CORO2A: variants seen among roughly 807,000 people sequenced by gnomAD.
The protein encoded by CORO2A is coronin-2A.
Under a neutral mutation model 62.4 loss-of-function variants are expected in CORO2A, and 47 were observed. The ratio of observed to expected loss-of-function variants is 0.75; its 90% confidence interval spans 0.60 to 0.96. The LOEUF is 0.96. Among genes scored for constraint, CORO2A ranks in the 40% least tolerant of loss-of-function variants. The pLI is 0.00. For missense variants in CORO2A, 610 were observed against 684.1 expected (o/e 0.89, Z 1.21); for synonymous variants, 273 against 268.9 (o/e 1.02, Z -0.15).
rs1291395902 is a variant in CORO2A, at chr9:98,170,494, TGCAATGGCGTGATCTTG to T, written c.1-12851_1-12835del. ...TCTCGCTCTGTCACCCAGGCTGGAG[TGCAATGGCGTGATCTTG>T]GCTCACTGCAACCTCTGCCTCTGGG... On this transcript the variant is annotated intron_variant, in intron 1 of 11. Transcript: ENST00000375077. 5.9e-5 allele frequency among the ~76,000 whole-genome samples: 9 copies of T among 152,118 alleles called. 1 individual carries two copies. The highest frequency in any genetic ancestry group is 1.0e-4 in the Non-Finnish European group (7 of 68,024).
chr9:98,126,435 C>G (rs1202433509), intron 11 of CORO2A, 114 bp downstream of exon 11: 1 of 1,388,184 alleles, frequency 7.2e-7, no homozygotes, highest in Non-Finnish European at 9.8e-7. Flanking sequence ...TAGGCCAGGC[C>G]ACACAGCTGG....
At chr9:98,170,598 C>A (rs1205491757) in intron 1 of CORO2A, among the ~76,000 whole-genome samples, 1 of 152,226 alleles carries the variant, frequency 6.6e-6, no homozygotes, top group East Asian at 1.9e-4. Context: ...TGCACCACCA[C>A]GCCTGGCTAA....
intron 4 of CORO2A, among the ~76,000 whole-genome samples, chr9:98,134,047 C>T (rs747401593): frequency 3.1e-4 from 47 of 152,268 alleles, no homozygotes; most frequent in Non-Finnish European, 1.2e-4. Flanking sequence ...CCACCATGTC[C>T]GGCCCCCCAC....
rs1828319256 is a variant in CORO2A at position 98,192,625 on chromosome 9, C to A, written c.-67G>T. 6.7e-6 allele frequency: 1 copy of A among 150,210 alleles called. No homozygotes were observed. Among genetic ancestry groups the A allele is most frequent in the South Asian group, 2.1e-4 (1 of 4,830 alleles). The allele number at this position is 150,210 out of a possible 1,614,324, so 9.3% of individuals were successfully genotyped here. A position where few individuals can be genotyped will look rare whatever the true frequency, so the allele number is the denominator to read the frequency against. ...CCAGCTCCGGCTCCGCGCTCCTCGCCGCCCGCCGACTCCCGGCGCCCAGAG... is the reference window on the plus strand; with the variant it reads ...CCAGCTCCGGCTCCGCGCTCCTCGCAGCCCGCCGACTCCCGGCGCCCAGAG... On this transcript the variant is annotated 5_prime_UTR_variant, in exon 1 of 12. Coordinates refer to ENST00000375077, the MANE Select transcript of CORO2A (RefSeq NM_052820.4).
chr9:98,164,946 C>T (rs77832229), intron 1 of CORO2A, among the ~76,000 whole-genome samples: 1 of 124,854 alleles, frequency 8.0e-6, no homozygotes, highest in South Asian at 2.4e-4. Flanking sequence ...CCACCACTAC[C>T]ACCACCACCA....
chr9:98,188,531 G>A (rs909217461), intron 1 of CORO2A, among the ~76,000 whole-genome samples: 6 of 152,068 alleles, frequency 3.9e-5, no homozygotes, highest in East Asian at 3.9e-4. Flanking sequence ...TTGGGAGGCC[G>A]AGACAAGCGG....
intron 1 of CORO2A, among the ~76,000 whole-genome samples, chr9:98,186,360 AGCAGGGGAAG>A (rs1828239072): frequency 6.6e-6 from 1 of 152,202 alleles, no homozygotes; most frequent in South Asian, 2.1e-4. Context: ...GACTACAGGC[AGCAGGGGAAG>A]GTGATTAAGC....
chr9:98,161,841 C>G (rs1185094686), intron 1 of CORO2A, among the ~76,000 whole-genome samples: 1 of 152,000 alleles, frequency 6.6e-6, no homozygotes, highest in Non-Finnish European at 1.5e-5. Flanking sequence ...GCCCTGGCCC[C>G]TTCCGGACCC....
chr9:98,126,655 T>C lies in CORO2A; in HGVS notation c.1340A>G (p.Glu447Gly). 6.2e-7 allele frequency: 1 copy of C among 1,614,182 alleles called. No homozygotes were observed. Among genetic ancestry groups the C allele is most frequent in the South Asian group, 1.1e-5 (1 of 91,084 alleles). The change falls in exon 11 of 12, where the codon GAG (glutamate) becomes GGG (glycine). Residue 447 changes from glutamate (E) to glycine (G), a missense_variant. By Grantham distance (98) the Glu-to-Gly change is moderately conservative (BLOSUM62 -2). Transcript: ENST00000375077. Reference protein sequence around the residue: ...DGWRSSSLLEEKMPRWAAEHR... With the variant: ...DGWRSSSLLEGKMPRWAAEHR... ...TTCTGCTGCCCACCTTGGCATCTTC[T>C]CCTCCAACAGGGAGGAAGACCTCCA...
Position 98,157,568 on chromosome 9 carries a change from G to A in CORO2A, c.93C>T (p.Ile31=). 6.2e-7 allele frequency: 1 copy of A among 1,614,178 alleles called. No homozygotes were observed. The highest frequency in any genetic ancestry group is 1.1e-5 in the South Asian group (1 of 91,082). The change falls in exon 2 of 12, where the codon ATC becomes ATT. Residue 31 remains isoleucine, a synonymous_variant. Transcript: ENST00000375077. ...SKENCYDSVP[I]TRSVHDNHFC... is the part of the protein sequence containing the mutation. ...AGTGGTTGTCGTGAACGCTGCGGGT[G>A]ATAGGCACGGAGTCGTAGCAGTTCT...
intron 1 of CORO2A, among the ~76,000 whole-genome samples, chr9:98,161,657 C>T (rs1485882087): frequency 6.6e-6 from 1 of 152,044 alleles, no homozygotes; most frequent in Non-Finnish European, 1.5e-5. Flanking sequence ...AAGGATAGAG[C>T]AGGTAAGAGG....
chr9:98,181,020 C>T (rs888167125), intron 1 of CORO2A, among the ~76,000 whole-genome samples: 16 of 152,250 alleles, frequency 1.1e-4, no homozygotes, highest in Non-Finnish European at 7.3e-5. Context: ...TAAAATCCCT[C>T]ACGCCACTGA....
intron 1 of CORO2A, among the ~76,000 whole-genome samples, chr9:98,183,168 C>T (rs1272946924): frequency 1.4e-5 from 2 of 139,612 alleles, no homozygotes; most frequent in Non-Finnish European, 3.2e-5. Flanking sequence ...GCTCAGAAAG[C>T]GGCCCAAACT....
At chr9:98,130,136 G>A (rs1827383887) in intron 7 of CORO2A, among the ~76,000 whole-genome samples, 1 of 152,100 alleles carries the variant, frequency 6.6e-6, no homozygotes, top group South Asian at 2.1e-4. Flanking sequence ...GCCCAGGCTG[G>A]AGAGCAGTAG....
At chr9:98,154,352 T>TATATATATACAC (rs71369555) in intron 2 of CORO2A, among the ~76,000 whole-genome samples, 4 of 94,058 alleles carry the variant, frequency 4.3e-5, no homozygotes, top group Non-Finnish European at 8.8e-5. Flanking sequence ...TATATATATA[T>TATATATATACAC]ACACAAATAC....
chr9:98,124,711 G>C lies in CORO2A; in HGVS notation c.*63C>G. The C allele has an allele frequency of 6.7e-7, 1 of 1,487,000 alleles. No homozygotes were observed. The allele number at this position is 1,487,000 out of a possible 1,614,324, so 92.1% of individuals were successfully genotyped here. Reference sequence around the variant, plus strand: ...TGTCCTTGAGGGGACTTGTGGTTTGGTTCTAAACCTCCCCATGGAGCCGAG... The same window carrying C: ...TGTCCTTGAGGGGACTTGTGGTTTGCTTCTAAACCTCCCCATGGAGCCGAG... On this transcript the variant is annotated 3_prime_UTR_variant, in exon 12 of 12. Coordinates refer to ENST00000375077, the MANE Select transcript of CORO2A (RefSeq NM_052820.4).
intron 2 of CORO2A, among the ~76,000 whole-genome samples, chr9:98,144,179 A>G (rs906630391): frequency 4.0e-5 from 6 of 148,528 alleles, no homozygotes; most frequent in African/African-American, 1.5e-4. Flanking sequence ...ACAGAGTGAG[A>G]TCCTGTTTCG....
In CORO2A at chr9:98,129,875, G is replaced by C; in HGVS notation, c.886C>G (p.Arg296Gly). ...TTGTCGGCGCTCACCTCGTAGTAGC[G>C]GATGTTGCCATCTCCCTGAGGAGGA... is the stretch of plus-strand genomic sequence containing the variant. ...YVVGKGDGNI[R>G]YYEVSADKPH... The change falls in exon 8 of 12, where the codon CGC (arginine) becomes GGC (glycine). Residue 296 changes from arginine to glycine, a missense_variant. Transcript: ENST00000375077. 1.9e-6 allele frequency: 3 copies of C among 1,613,742 alleles called. No homozygotes were observed. The highest frequency in any genetic ancestry group is 1.1e-5 in the South Asian group (1 of 91,078).
intron 1 of CORO2A, among the ~76,000 whole-genome samples, chr9:98,166,504 C>T (rs1369320129): frequency 6.6e-6 from 1 of 152,164 alleles, no homozygotes; most frequent in Non-Finnish European, 1.5e-5. Flanking sequence ...AGAACTCTGA[C>T]AACTCAACAA....
Sources: allele counts gnomAD v4.1 joint callset (sites outside exome capture counted in the v4.1 genomes callset), GRCh38; gene constraint gnomAD v4.1.1; transcripts MANE v1.5; gene names NCBI Gene and HGNC (gene_info 2026-07-23, HGNC 2026-07-21).